E2F3: variants seen among roughly 807,000 people sequenced by gnomAD.
E2F3 encodes the protein E2F transcription factor 3, also known as transcription factor E2F3.
Under a neutral mutation model 44.4 loss-of-function variants are expected in E2F3, and 11 were observed. The observed-to-expected ratio is 0.25, with a 90% CI of 0.16 to 0.41. The LOEUF (loss-of-function observed/expected upper bound fraction) is 0.41, where lower values mean the gene tolerates loss of function less well. E2F3 is among the 10% of genes least tolerant of loss of function. The probability of loss-of-function intolerance (pLI) is 1.00; values close to 1 mark genes in which losing one functional copy is unlikely to be tolerated. For missense variants in E2F3, 487 were observed against 583.6 expected (o/e 0.83, Z 1.70); for synonymous variants, 249 against 253.0 (o/e 0.98, Z 0.15).
Position 20,450,199 on chromosome 6 carries a change from C to T in E2F3, c.394-29647C>T, listed in dbSNP as rs528981683. 2.6e-5 allele frequency among the ~76,000 whole-genome samples: 4 copies of T among 152,252 alleles called. No individual in the cohort carries two copies. The South Asian group carries it at 8.3e-4, about 32-fold the overall frequency. Reference sequence around the variant, plus strand: ...GTTTTTTTGGTCCTTGAGAAATCGCCACACTGCTTTCCATAATGGTTGAAC... The same window carrying T: ...GTTTTTTTGGTCCTTGAGAAATCGCTACACTGCTTTCCATAATGGTTGAAC... On this transcript the variant is annotated intron_variant, in intron 1 of 6. Coordinates refer to ENST00000346618, the MANE Select transcript of E2F3 (RefSeq NM_001949.5).
At chr6:20,489,388 A>G (rs1194708972) in intron 6 of E2F3, among the ~76,000 whole-genome samples, 2 of 152,246 alleles carry the variant, frequency 1.3e-5, no homozygotes, top group East Asian at 3.9e-4. Flanking sequence ...GCTTGAGCCC[A>G]GGAGTTCGAG....
chr6:20,480,592 T>C (rs1483466741), intron 2 of E2F3, among the ~76,000 whole-genome samples: 1 of 152,238 alleles, frequency 6.6e-6, no homozygotes, highest in Non-Finnish European at 1.5e-5. Context: ...CCTTGACCTG[T>C]GCACCTATGG....
At chr6:20,463,590 G>C (rs1044888170) in intron 1 of E2F3, among the ~76,000 whole-genome samples, 1 of 152,104 alleles carries the variant, frequency 6.6e-6, no homozygotes, top group African/African-American at 2.4e-5. Flanking sequence ...ATTTTGCCTT[G>C]AGATTTTAAA....
At chr6:20,467,473 A>C (rs1761752268) in intron 1 of E2F3, among the ~76,000 whole-genome samples, 1 of 152,212 alleles carries the variant, frequency 6.6e-6, no homozygotes, top group Non-Finnish European at 1.5e-5. Context: ...CAATCTAAAA[A>C]ATGAAACAAT....
At chr6:20,422,512 A>G (rs73731191) in intron 1 of E2F3, among the ~76,000 whole-genome samples, 1 of 152,362 alleles carries the variant, frequency 6.6e-6, no homozygotes, top group African/African-American at 2.4e-5. Flanking sequence ...ATTTGGCACA[A>G]GTGGCCTAGT....
At chr6:20,468,807 C>A (rs1761797434) in intron 1 of E2F3, among the ~76,000 whole-genome samples, 1 of 152,154 alleles carries the variant, frequency 6.6e-6, no homozygotes, top group Admixed American at 6.5e-5. Context: ...CTACCTTACA[C>A]CAAGACTGAT....
rs1759714421 is a variant in E2F3 at position 20,412,664 on chromosome 6, G to A, written c.393+10039G>A. 2.6e-5 allele frequency among the ~76,000 whole-genome samples: 4 copies of A among 152,302 alleles called. No homozygotes were observed. The South Asian group carries it at 6.2e-4, about 24-fold the overall frequency. Reference sequence around the variant, plus strand: ...GTGGGGATTGTTCACGAATAAAGAAGAAACGTACTATCAAAAGGGGGCCTT... The same window carrying A: ...GTGGGGATTGTTCACGAATAAAGAAAAAACGTACTATCAAAAGGGGGCCTT... On this transcript the variant is annotated intron_variant, in intron 1 of 6. Coordinates refer to ENST00000346618, the MANE Select transcript of E2F3 (RefSeq NM_001949.5).
chr6:20,406,426 A>C (rs1759495368), intron 1 of E2F3, among the ~76,000 whole-genome samples: 1 of 152,180 alleles, frequency 6.6e-6, no homozygotes, highest in Non-Finnish European at 1.5e-5. Flanking sequence ...TACAAATGTT[A>C]ATTTTTTTCT....
chr6:20,490,246 A>G lies in E2F3; in HGVS notation c.1214A>G (p.Asn405Ser). The G allele has an allele frequency of 6.2e-7, 1 of 1,614,052 alleles. No individual in the cohort carries two copies. The highest frequency in any genetic ancestry group is 1.3e-5 in the African/African-American group (1 of 75,018). The change falls in exon 7 of 7, where the codon AAC becomes AGC. Residue 405 changes from asparagine (N) to serine (S), a missense_variant. Transcript: ENST00000346618. This position sits in a 1 kb window ranked among gnomAD's most constrained non-coding sequence, Gnocchi z 4.3. ...CTTTCTCCTCTGGCCTCCCCAGCCA[A>G]CCTCTTACAGCAGACTGAGGACCAA... ...GNLSPLASPA[N>S]LLQQTEDQIP...
intron 1 of E2F3, among the ~76,000 whole-genome samples, chr6:20,432,945 T>C (rs1760456608): frequency 6.6e-6 from 1 of 152,260 alleles, no homozygotes; most frequent in Non-Finnish European, 1.5e-5. Context: ...TGTCATCTAT[T>C]GACTCACCTG....
intron 1 of E2F3, among the ~76,000 whole-genome samples, chr6:20,440,753 G>A (rs1269018042): frequency 2.0e-5 from 3 of 152,190 alleles, no homozygotes; most frequent in African/African-American, 7.2e-5. Flanking sequence ...GGAATATCAG[G>A]ACCAAGGATC....
At chr6:20,420,024 C>A (rs1201468057) in intron 1 of E2F3, among the ~76,000 whole-genome samples, 1 of 152,158 alleles carries the variant, frequency 6.6e-6, no homozygotes, top group Non-Finnish European at 1.5e-5. Flanking sequence ...TGCCATCACA[C>A]CCGGCTACTT....
intron 1 of E2F3, among the ~76,000 whole-genome samples, chr6:20,416,565 G>T (rs1759853136): frequency 6.6e-6 from 1 of 152,160 alleles, no homozygotes; most frequent in South Asian, 2.1e-4. Context: ...TTGGGAACTT[G>T]TTAGAAATGA....
In E2F3 at chr6:20,413,492, A is replaced by G. The variant is rs1189018067; in HGVS notation, c.393+10867A>G. Among the ~76,000 whole-genome samples, 3 of 152,052 alleles carry G rather than the reference A, an allele frequency of 2.0e-5. No individual in the cohort carries two copies. The East Asian group carries it at 5.8e-4, about 29-fold the overall frequency. On this transcript the variant is annotated intron_variant, in intron 1 of 6. Coordinates refer to ENST00000346618, the MANE Select transcript of E2F3 (RefSeq NM_001949.5). ...GCTCTCGTGGTTCCAAAACTTGCAG[A>G]CTCCCAGGTTGTAGCCCAGGCAAAC...
At chr6:20,479,438 G>A (rs1444081777) in intron 1 of E2F3, among the ~76,000 whole-genome samples, 1 of 152,252 alleles carries the variant, frequency 6.6e-6, no homozygotes. Context: ...AAGGAAGGGG[G>A]TCCAACCCAG....
intron 1 of E2F3, among the ~76,000 whole-genome samples, chr6:20,455,519 G>A (rs762900387): frequency 6.6e-6 from 1 of 152,164 alleles, no homozygotes; most frequent in Non-Finnish European, 1.5e-5. Flanking sequence ...ATATTGCCTT[G>A]TCCACAGCAG....
intron 1 of E2F3, among the ~76,000 whole-genome samples, chr6:20,430,786 TG>T (rs1214110210): frequency 6.6e-6 from 1 of 152,178 alleles, no homozygotes; most frequent in East Asian, 1.9e-4. Flanking sequence ...GGGTTATTTT[TG>T]GCTAAAGCAG....
chr6:20,439,068 T>C (rs1386991749), intron 1 of E2F3, among the ~76,000 whole-genome samples: 1 of 152,210 alleles, frequency 6.6e-6, no homozygotes, highest in African/African-American at 2.4e-5. Flanking sequence ...ATAAAAGAGA[T>C]TTAGAAGTTG....
In E2F3 at chr6:20,492,508, C is replaced by T. The variant is rs1561892471; in HGVS notation, c.*2078C>T. The T allele has an allele frequency of 4.3e-6, 1 of 233,224 alleles. No individual in the cohort carries two copies. Among genetic ancestry groups the T allele is most frequent in the Non-Finnish European group, 8.5e-6 (1 of 117,818 alleles). The allele number at this position is 233,224 out of a possible 1,614,324, so 14.4% of individuals were successfully genotyped here. On this transcript the variant is annotated 3_prime_UTR_variant, in exon 7 of 7. Coordinates refer to ENST00000346618, the MANE Select transcript of E2F3 (RefSeq NM_001949.5). The stretch of plus-strand genomic sequence containing the variant: ...TTCCTGTATGGGAAACCATTTATGC[C>T]AAGCTTTTCCCCATTTCCCATATTT...
Sources: allele counts gnomAD v4.1 joint callset (sites outside exome capture counted in the v4.1 genomes callset), GRCh38; gene constraint gnomAD v4.1.1; non-coding constraint Gnocchi (gnomAD v3.1); transcripts MANE v1.5; gene names NCBI Gene and HGNC (gene_info 2026-07-23, HGNC 2026-07-21).